Variants in CSMD1 observed in about 807,000 individuals in gnomAD.
The protein encoded by CSMD1 is CUB and sushi domain-containing protein 1.
Under a neutral mutation model 417.5 loss-of-function variants are expected in CSMD1, and 213 were observed. The ratio of observed to expected loss-of-function variants is 0.51; its 90% CI spans 0.46 to 0.57. The LOEUF (loss-of-function observed/expected upper bound fraction) is 0.57. Among genes scored for constraint, CSMD1 ranks in the 20% least tolerant of loss-of-function variants. The pLI, the probability that CSMD1 is intolerant of heterozygous loss-of-function variation, is 0.00. For synonymous variants in CSMD1, 2,862 were observed against 1,736.8 expected, an observed-to-expected ratio of 1.65 and a Z score of -16.11; for missense variants, 6,923 against 4,529.7, an observed-to-expected ratio of 1.53 and a Z score of -15.17.
At chr8:3,580,388 G>A in intron 9 of CSMD1, among the ~76,000 whole-genome samples, 1 of 152,112 alleles carries the variant, frequency 6.6e-6, no homozygotes, top group East Asian at 1.9e-4. Flanking sequence ...ACAGTCACAG[G>A]GATACCTGGG....
intron 5 of CSMD1, among the ~76,000 whole-genome samples, chr8:3,849,625 G>A (rs545521412): frequency 2.0e-5 from 3 of 152,116 alleles, no homozygotes; most frequent in African/African-American, 7.2e-5. Flanking sequence ...GTCTGCTGGA[G>A]CCTACCTGGG....
chr8:4,707,601 A>T (rs537756448), intron 1 of CSMD1, among the ~76,000 whole-genome samples: 1 of 151,710 alleles, frequency 6.6e-6, no homozygotes, highest in East Asian at 1.9e-4. Context: ...AAGAGAGGGG[A>T]AAGAGCCAGC....
At chr8:3,305,093 T>C (rs771673879) in intron 25 of CSMD1, among the ~76,000 whole-genome samples, 1 of 152,166 alleles carries the variant, frequency 6.6e-6, no homozygotes, top group Non-Finnish European at 1.5e-5. Flanking sequence ...ATAGCTTACT[T>C]CAGCCTTGAC....
intron 3 of CSMD1, among the ~76,000 whole-genome samples, chr8:4,103,859 T>C (rs1801429311): frequency 6.6e-6 from 1 of 152,218 alleles, no homozygotes; most frequent in Admixed American, 6.5e-5. Flanking sequence ...CAGCATTGTC[T>C]GGTGCTATAT....
intron 3 of CSMD1, among the ~76,000 whole-genome samples, chr8:4,285,299 C>G (rs1357859436): frequency 1.3e-5 from 2 of 152,168 alleles, no homozygotes; most frequent in East Asian, 3.9e-4. Flanking sequence ...AATCAAATTA[C>G]TCTCTGAAGC....
chr8:4,693,560 T>G (rs762920391), intron 1 of CSMD1, among the ~76,000 whole-genome samples: 1 of 152,252 alleles, frequency 6.6e-6, no homozygotes, highest in Non-Finnish European at 1.5e-5. Context: ...TAAATATGCA[T>G]CAATCAAAAC....
At chr8:3,734,188 T>C (rs1278648908) in intron 6 of CSMD1, among the ~76,000 whole-genome samples, 2 of 152,222 alleles carry the variant, frequency 1.3e-5, no homozygotes, top group Non-Finnish European at 2.9e-5. Context: ...ATTGAGCTGA[T>C]GCATGGAATT....
intron 6 of CSMD1, among the ~76,000 whole-genome samples, chr8:3,729,212 A>G (rs1185773642): frequency 6.6e-6 from 1 of 152,000 alleles, no homozygotes; most frequent in Non-Finnish European, 1.5e-5. Flanking sequence ...TCTTAAAAAG[A>G]CCTCAGGTCA....
chr8:4,789,462 T>G (rs1313919711), intron 1 of CSMD1, among the ~76,000 whole-genome samples: 1 of 152,194 alleles, frequency 6.6e-6, no homozygotes, highest in Admixed American at 6.5e-5. Context: ...ATAACGCATT[T>G]AAACGCCTGG....
chr8:3,546,507 G>C (rs191089434), intron 10 of CSMD1, among the ~76,000 whole-genome samples: 1 of 151,382 alleles, frequency 6.6e-6, no homozygotes, highest in Non-Finnish European at 1.5e-5. Flanking sequence ...CCGCACTCCA[G>C]CCTGGTGACA....
intron 2 of CSMD1, among the ~76,000 whole-genome samples, chr8:4,619,473 A>T (rs117065143): frequency 1.3e-5 from 2 of 152,166 alleles, no homozygotes; most frequent in Non-Finnish European, 2.9e-5. Flanking sequence ...AAGTAGCAAG[A>T]AGAAAAGCCC....
At chr8:2,959,146 C>A (rs1280430833) in intron 62 of CSMD1, among the ~76,000 whole-genome samples, 1 of 152,190 alleles carries the variant, frequency 6.6e-6, no homozygotes, top group East Asian at 1.9e-4. Context: ...CTCTATTGCC[C>A]AGAGTATACA....
intron 4 of CSMD1, among the ~76,000 whole-genome samples, chr8:4,021,497 C>T (rs540072274): frequency 2.0e-4 from 30 of 152,234 alleles, no homozygotes; most frequent in African/African-American, 6.3e-4. Context: ...CCGCTACATC[C>T]CCAGCATCGT....
At chr8:4,831,847 T>C (rs950631837) in intron 1 of CSMD1, among the ~76,000 whole-genome samples, 1 of 151,066 alleles carries the variant, frequency 6.6e-6, no homozygotes, top group Non-Finnish European at 1.5e-5. Flanking sequence ...CAAAGCACAG[T>C]GTGTGCCACA....
intron 2 of CSMD1, among the ~76,000 whole-genome samples, chr8:4,492,809 A>G (rs910007429): frequency 3.3e-5 from 5 of 152,228 alleles, no homozygotes; most frequent in Admixed American, 3.3e-4. Context: ...TTCAGAGCAC[A>G]CAGTAATTTA....
chr8:3,878,730 A>G (rs1165866982), intron 5 of CSMD1, among the ~76,000 whole-genome samples: 1 of 152,158 alleles, frequency 6.6e-6, no homozygotes, highest in African/African-American at 2.4e-5. Context: ...GTCATGGGAA[A>G]TATTAGACCC....
In CSMD1 at chr8:3,593,135, G is replaced by T. The variant is rs140400224; in HGVS notation, c.1098-6875C>A. On this transcript the variant is annotated intron_variant, in intron 8 of 69. Coordinates refer to ENST00000635120, the MANE Select transcript of CSMD1 (RefSeq NM_033225.6). The stretch of plus-strand genomic sequence containing the variant: ...ACCGCCAGAACTTGTCACTGGAGCT[G>T]TGGTGATAAGTGTGATGGTGGCGTG... Among the ~76,000 whole-genome samples, 79 of 152,366 alleles carry T rather than the reference G, an allele frequency of 5.2e-4. No individual in the cohort carries two copies. The East Asian group carries it at 0.015, about 28-fold the overall frequency.
intron 10 of CSMD1, among the ~76,000 whole-genome samples, chr8:3,518,924 CTCA>C (rs2117439197): frequency 6.6e-6 from 1 of 152,318 alleles, no homozygotes; most frequent in East Asian, 1.9e-4. Context: ...GTTGAATCTC[CTCA>C]TATTGTCCCT....
At chr8:4,157,488 C>G (rs1449002375) in intron 3 of CSMD1, among the ~76,000 whole-genome samples, 1 of 152,106 alleles carries the variant, frequency 6.6e-6, no homozygotes. Flanking sequence ...TTCCTTCTGA[C>G]TAGCGGAGAA....
Sources: gnomAD v4.1 joint callset for allele counts (sites outside exome capture counted in the v4.1 genomes callset) on GRCh38, gnomAD v4.1.1 for gene constraint, MANE v1.5 for transcripts, NCBI Gene and HGNC (gene_info 2026-07-23, HGNC 2026-07-21) for gene names.